AHDC1: variants seen among roughly 807,000 people sequenced by gnomAD.
AHDC1 encodes the protein AT-hook DNA binding motif containing 1.
A neutral mutation model predicts 87.9 loss-of-function variants in AHDC1; 7 were observed. The observed-to-expected ratio is 0.08, with a 90% CI of 0.05 to 0.15. The LOEUF (loss-of-function observed/expected upper bound fraction) is 0.15. Ranked by LOEUF, AHDC1 falls within the 10% of genes least tolerant of loss-of-function variation. AHDC1 has a pLI of 1.00. For missense variants in AHDC1, 1,841 were observed against 2,253.2 expected (o/e 0.82, Z 3.70); for synonymous variants, 1,051 against 1,006.8 (o/e 1.04, Z -0.83).
At position 27,537,898 on chromosome 1, in the gene AHDC1, A is replaced by G. The variant is rs145845303; in HGVS notation, c.*44-2982T>C. Reference sequence around the variant, plus strand: ...TGAGCAGAGATTCAAAGTGCTGCAGAGCACATATAAATCAGGTTGTCCAGA... The same window carrying G: ...TGAGCAGAGATTCAAAGTGCTGCAGGGCACATATAAATCAGGTTGTCCAGA... On this transcript the variant is annotated intron_variant, in intron 8 of 8. Coordinates refer to ENST00000673934, the MANE Select transcript of AHDC1 (RefSeq NM_001371928.1). Among the ~76,000 whole-genome samples the G allele has an allele frequency of 2.3e-3, 345 of 152,314 alleles. 1 individual carries two copies. Among genetic ancestry groups the G allele is most frequent in the African/African-American group, 8.0e-3 (332 of 41,560 alleles).
rs560374460 is a variant in AHDC1 at position 27,574,869 on chromosome 1, G to A, written c.-628-15986C>T. On this transcript the variant is annotated intron_variant, in intron 3 of 8. Coordinates refer to ENST00000673934, the MANE Select transcript of AHDC1 (RefSeq NM_001371928.1). ...TCACATACCTACTCCTGGATTCTCA[G>A]GGCTCTTGTAAAATGAAGCCCCTCC... Among the ~76,000 whole-genome samples the A allele has an allele frequency of 5.9e-5, 9 of 152,300 alleles. No homozygotes were observed. In the East Asian group the frequency reaches 1.5e-3, roughly 26 times the overall value.
intron 3 of AHDC1, among the ~76,000 whole-genome samples, chr1:27,602,019 C>A (rs551205843): frequency 6.6e-6 from 1 of 152,178 alleles, no homozygotes; most frequent in Non-Finnish European, 1.5e-5. Flanking sequence ...CAGGCACAGG[C>A]CCCCCAAGGG....
intron 3 of AHDC1, among the ~76,000 whole-genome samples, chr1:27,568,680 T>TC (rs943629748): frequency 5.3e-5 from 8 of 151,336 alleles, no homozygotes; most frequent in Non-Finnish European, 1.2e-4. Context: ...CACGCCCTCT[T>TC]CCCCGGACCC....
intron 3 of AHDC1, among the ~76,000 whole-genome samples, 182 bp from the exon 4 acceptor site, chr1:27,559,065 G>A (rs558263214): frequency 3.9e-5 from 6 of 152,142 alleles, no homozygotes; most frequent in African/African-American, 1.2e-4. Context: ...AAAAATAAGA[G>A]AGACAGGGCC....
At position 27,550,913 on chromosome 1, in the gene AHDC1, C is replaced by T; in HGVS notation, c.1203G>A (p.Arg401=). The part of the protein sequence containing the change: ...KILCRRRKAG[R]GRKADAGPEG... Reference sequence around the variant, plus strand: ...CGGGTCCGGCGTCTGCCTTGCGTCCCCGTCCGGCTTTCCGCCGGCGACACA... The same window carrying T: ...CGGGTCCGGCGTCTGCCTTGCGTCCTCGTCCGGCTTTCCGCCGGCGACACA... Residue 401 remains arginine (R), a synonymous_variant, in exon 8 of 9, where the codon CGG becomes CGA. Transcript: ENST00000673934. 6.3e-7 allele frequency: 1 copy of T among 1,597,364 alleles called. No individual in the cohort carries two copies. Among genetic ancestry groups the T allele is most frequent in the Non-Finnish European group, 8.5e-7 (1 of 1,177,274 alleles).
At chr1:27,555,762 C>T (rs2019789462) in intron 5 of AHDC1, among the ~76,000 whole-genome samples, 1 of 152,158 alleles carries the variant, frequency 6.6e-6, no homozygotes, top group Non-Finnish European at 1.5e-5. Context: ...CTTCCCCGCC[C>T]TGGAGACCTC....
In AHDC1 at chr1:27,551,602, T is replaced by G. The variant is rs747317821; in HGVS notation, c.514A>C (p.Ser172Arg). ...GGGCTACGGATGCTGTTGGCCAAAC[T>G]GGGTGAGGAGAAGAAGCTGTACTGT... ...DLQYSFFSSP[S>R]LANSIRSPEE... The change falls in exon 8 of 9, where the codon AGT becomes CGT. Residue 172 changes from serine to arginine, a missense_variant. Physicochemically the swap from Ser to Arg is moderately radical, Grantham distance 110 (BLOSUM62 -1). Transcript: ENST00000673934. The G allele has an allele frequency of 9.3e-6, 15 of 1,611,356 alleles. No homozygotes were observed. The highest frequency in any genetic ancestry group is 1.3e-5 in the Non-Finnish European group (15 of 1,178,030).
chr1:27,588,367 A>G (rs933375672), intron 3 of AHDC1, among the ~76,000 whole-genome samples: 2 of 152,244 alleles, frequency 1.3e-5, no homozygotes, highest in Non-Finnish European at 1.5e-5. Flanking sequence ...CATCTTGGTC[A>G]CCACAGTATC....
intron 8 of AHDC1, among the ~76,000 whole-genome samples, chr1:27,538,457 T>G (rs1189100707): frequency 6.7e-6 from 1 of 150,150 alleles, no homozygotes; most frequent in Non-Finnish European, 1.5e-5. Flanking sequence ...GAGAGGCTGA[T>G]TTCCTGTGTG....
At chr1:27,602,986 T>TCCCCCCCCCCCC (rs552714980) in intron 3 of AHDC1, among the ~76,000 whole-genome samples, 4 of 69,820 alleles carry the variant, frequency 5.7e-5, no homozygotes, top group Admixed American at 1.4e-4. Flanking sequence ...CCCCCTTCAT[T>TCCCCCCCCCCCC]CCCCCCCCCC....
At chr1:27,603,896 A>G (rs1044617988) in intron 1 of AHDC1, 33 bp from the exon 2 acceptor site, 1 of 152,380 alleles carries the variant, frequency 6.6e-6, no homozygotes, top group African/African-American at 2.4e-5. Flanking sequence ...GACAGAAAGC[A>G]GACGCTGGCT....
intron 5 of AHDC1, chr1:27,553,563 CAA>C (rs1187450707): frequency 2.0e-5 from 3 of 152,122 alleles, no homozygotes; most frequent in African/African-American, 4.8e-5. Context: ...TTTCTGTTGC[CAA>C]ACACTGGGCC....
chr1:27,558,965 G>A lies in AHDC1; in HGVS notation c.-628-82C>T, dbSNP rs143884872. 1,130 of 398,302 alleles carry A rather than the reference G, an allele frequency of 2.8e-3. 9 individuals carry two copies. Among genetic ancestry groups the A allele is most frequent in the African/African-American group, 0.021 (1,034 of 48,694 alleles). 24.7% of individuals were successfully genotyped at this position (398,302 alleles called of 1,614,324 possible). ...AGACAGCAGGGTGCAGGCGGACACT[G>A]AGCCAGGAAGCTCTCCTACATGGAG... On this transcript the variant is annotated intron_variant, in intron 3 of 8. Transcript: ENST00000673934. This position sits in a 1 kb window ranked among gnomAD's most constrained non-coding sequence, Gnocchi z 5.6.
intron 3 of AHDC1, among the ~76,000 whole-genome samples, chr1:27,589,879 C>T (rs2089175428): frequency 1.3e-5 from 2 of 152,138 alleles, no homozygotes; most frequent in African/African-American, 4.8e-5. Context: ...CAGGGCCAGG[C>T]ACCGGCCCCC....
chr1:27,547,386 A>C lies in AHDC1; in HGVS notation c.4730T>G (p.Leu1577Arg). 6.4e-7 allele frequency: 1 copy of C among 1,558,426 alleles called. No homozygotes were observed. Among genetic ancestry groups the C allele is most frequent in the Non-Finnish European group, 8.7e-7 (1 of 1,152,842 alleles). ...GAAGCCGCTCTTGGGGCCCCCACCC[A>C]GGCCAGGATGCGCCTGGGGCATAAA... is the stretch of plus-strand genomic sequence containing the variant. The part of the protein sequence containing the change: ...PGFMPQAHPG[L>R]GGGPKSGFLG... The change falls in exon 8 of 9, where the codon CTG (leucine) becomes CGG (arginine). Residue 1577 changes from leucine (L) to arginine (R), a missense_variant. Around this residue, in one of 13 missense-constraint regions of AHDC1, gnomAD observed 505 missense variants for 626.2 expected, o/e 0.81. Transcript: ENST00000673934. This position sits in a 1 kb window ranked among gnomAD's most constrained non-coding sequence, Gnocchi z 4.9.
chr1:27,535,404 T>C (rs1406294675), intron 8 of AHDC1, among the ~76,000 whole-genome samples: 1 of 152,212 alleles, frequency 6.6e-6, no homozygotes, highest in African/African-American at 2.4e-5. Flanking sequence ...TAATAAATTA[T>C]ACTGATTATT....
chr1:27,575,949 G>T (rs2088727708), intron 3 of AHDC1, among the ~76,000 whole-genome samples: 1 of 152,056 alleles, frequency 6.6e-6, no homozygotes, highest in South Asian at 2.1e-4. Context: ...ATCCGGGTCG[G>T]GCTCGGGCTC....
In AHDC1 at chr1:27,550,774, C is replaced by G; in HGVS notation, c.1342G>C (p.Val448Leu). The G allele has an allele frequency of 6.4e-7, 1 of 1,572,014 alleles. No individual in the cohort carries two copies. Among genetic ancestry groups the G allele is most frequent in the Non-Finnish European group, 8.6e-7 (1 of 1,159,358 alleles). ...GAAGATTCCGGCTTCAACTCTGGGA[C>G]TGAGACCGGGCCTGGGCCTGGCAGG... ...PALPGPGPVS[V>L]PELKPESSQT... is the part of the protein sequence containing the mutation. Residue 448 changes from valine to leucine, a missense_variant, in exon 8 of 9, where the codon GTC (valine) becomes CTC (leucine). Coordinates refer to ENST00000673934, the MANE Select transcript of AHDC1 (RefSeq NM_001371928.1).
At chr1:27,589,092 C>T (rs571875496) in intron 3 of AHDC1, among the ~76,000 whole-genome samples, 197 of 151,808 alleles carry the variant, frequency 1.3e-3, no homozygotes, top group Non-Finnish European at 2.4e-3. Flanking sequence ...GACCACAGGC[C>T]TGGTGCCAGA....
Sources: allele counts gnomAD v4.1 joint callset (sites outside exome capture counted in the v4.1 genomes callset), GRCh38; gene constraint gnomAD v4.1.1; regional missense constraint gnomAD v4.1.1; non-coding constraint Gnocchi (gnomAD v3.1); transcripts MANE v1.5; gene names NCBI Gene and HGNC (gene_info 2026-07-23, HGNC 2026-07-21).